TNRC18: variants seen among roughly 807,000 people sequenced by gnomAD.
The protein encoded by TNRC18 is trinucleotide repeat-containing gene 18 protein.
In TNRC18, 69 loss-of-function variants were observed where a neutral mutation model predicts 226.7. That is an observed-to-expected ratio of 0.30 (90% confidence interval 0.25 to 0.37). The LOEUF (loss-of-function observed/expected upper bound fraction) is 0.37, where lower values mean the gene tolerates loss of function less well. Among genes scored for constraint, TNRC18 ranks in the 10% least tolerant of loss-of-function variants. The pLI, the probability that TNRC18 is intolerant of heterozygous loss-of-function variation, is 1.00. For missense variants in TNRC18, 4,754 were observed against 4,256.6 expected, an observed-to-expected ratio of 1.12 and a Z score of -3.25; for synonymous variants, 2,449 against 1,927.6, an observed-to-expected ratio of 1.27 and a Z score of -7.09.
chr7:5,352,161 G>A lies in TNRC18; in HGVS notation c.5195-67C>T, dbSNP rs1449894375. The A allele has an allele frequency of 5.5e-6, 8 of 1,464,994 alleles. No homozygotes were observed. In the East Asian group the frequency reaches 1.2e-4, roughly 22 times the overall value. The allele number at this position is 1,464,994 out of a possible 1,614,324, so 90.7% of individuals were successfully genotyped here. ...AGCAGGAGCTGGTGTCATTTTATTG[G>A]TTTTAATGGTTCTGAGAACGTACTG... On this transcript the variant is annotated intron_variant, in intron 16 of 29. Coordinates refer to ENST00000430969, the MANE Select transcript of TNRC18 (RefSeq NM_001080495.3).
intron 18 of TNRC18, among the ~76,000 whole-genome samples, chr7:5,343,451 C>T (rs1350375177): frequency 6.6e-6 from 1 of 152,184 alleles, no homozygotes; most frequent in Non-Finnish European, 1.5e-5. Flanking sequence ...GAGACAGGGT[C>T]TCATTCTCTT....
intron 2 of TNRC18, among the ~76,000 whole-genome samples, chr7:5,401,292 C>A (rs1781072341): frequency 6.6e-6 from 1 of 152,004 alleles, no homozygotes; most frequent in African/African-American, 2.4e-5. Context: ...CAGCAAAGAA[C>A]CAGAAGGCTT....
At chr7:5,341,647 CCAGCTACTCGG>C (rs1188617856) in intron 18 of TNRC18, among the ~76,000 whole-genome samples, 1 of 148,924 alleles carries the variant, frequency 6.7e-6, no homozygotes, top group African/African-American at 2.5e-5. Flanking sequence ...GCCTGTAATC[CCAGCTACTCGG>C]GAGGCTGAGG....
chr7:5,378,034 G>A lies in TNRC18; in HGVS notation c.2153-10C>T, dbSNP rs1368288031. On this transcript the variant is annotated splice_polypyrimidine_tract_variant and intron_variant, in intron 5 of 29. Coordinates refer to ENST00000430969, the MANE Select transcript of TNRC18 (RefSeq NM_001080495.3). Reference sequence around the variant, plus strand: ...TCTGCTCGGCCGTGCCCTGCAGGGGGCCAGGTGGAAGTGAGCCCCCAGCCA... The same window carrying A: ...TCTGCTCGGCCGTGCCCTGCAGGGGACCAGGTGGAAGTGAGCCCCCAGCCA... 2.5e-6 allele frequency: 4 copies of A among 1,605,006 alleles called. No homozygotes were observed. Among genetic ancestry groups the A allele is most frequent in the Non-Finnish European group, 3.4e-6 (4 of 1,177,608 alleles).
intron 27 of TNRC18, among the ~76,000 whole-genome samples, chr7:5,311,464 C>T (rs1379481722): frequency 6.6e-6 from 1 of 152,220 alleles, no homozygotes; most frequent in South Asian, 2.1e-4. Context: ...GAGGTACCTT[C>T]TGCTGGGACT....
At chr7:5,341,243 C>G (rs1790651883) in intron 18 of TNRC18, among the ~76,000 whole-genome samples, 1 of 143,074 alleles carries the variant, frequency 7.0e-6, no homozygotes. Flanking sequence ...AACCCTGTCT[C>G]TACTAAAAAA....
Position 5,389,210 on chromosome 7 carries a change from G to A in TNRC18, c.614C>T (p.Pro205Leu). 1 of 1,345,906 alleles carries A rather than the reference G, an allele frequency of 7.4e-7. No individual in the cohort carries two copies. 83.4% of individuals were successfully genotyped at this position (1,345,906 alleles called of 1,614,324 possible). The change falls in exon 5 of 30, where the codon CCA becomes CTA. Residue 205 changes from proline to leucine, a missense_variant. Coordinates refer to ENST00000430969, the MANE Select transcript of TNRC18 (RefSeq NM_001080495.3). ...PAKGSSSRDG[P>L]AKERAGRGGE... is the part of the protein sequence containing the mutation. ...GCCGCGGCCCGCCCGCTCCTTGGCT[G>A]GACCGTCCCGCGACGACGAGCCTTT...
intron 2 of TNRC18, among the ~76,000 whole-genome samples, chr7:5,411,608 A>G (rs908141097): frequency 6.6e-6 from 1 of 152,112 alleles, no homozygotes; most frequent in Non-Finnish European, 1.5e-5. Flanking sequence ...TTCCAGGCAT[A>G]CTAGGACCCA....
At chr7:5,325,956 A>G (rs1298605395) in intron 19 of TNRC18, among the ~76,000 whole-genome samples, 1 of 147,180 alleles carries the variant, frequency 6.8e-6, no homozygotes, top group Admixed American at 6.8e-5. Flanking sequence ...CTGGTCTCAA[A>G]CTCCTGGTCT....
chr7:5,320,562 G>T lies in TNRC18; in HGVS notation c.6606C>A (p.Ile2202=), dbSNP rs1788248168. 6.2e-7 allele frequency: 1 copy of T among 1,611,618 alleles called. No homozygotes were observed. The highest frequency in any genetic ancestry group is 8.5e-7 in the Non-Finnish European group (1 of 1,179,670). Reference sequence around the variant, plus strand: ...CCTGCAGCAACTGCTCCAGACAGTAGATGTGGGGCCGGTTGCCCCGCTCAC... The same window carrying T: ...CCTGCAGCAACTGCTCCAGACAGTATATGTGGGGCCGGTTGCCCCGCTCAC... ...VEGERGNRPH[I]YCLEQLLQEA... is the part of the protein sequence containing the mutation. Residue 2202 remains isoleucine, a synonymous_variant, in exon 23 of 30, where the codon ATC becomes ATA. Transcript: ENST00000430969.
chr7:5,386,981 G>T (rs1779837396), intron 5 of TNRC18, among the ~76,000 whole-genome samples: 2 of 152,170 alleles, frequency 1.3e-5, no homozygotes, highest in African/African-American at 2.4e-5. Flanking sequence ...GGCTGAGCCA[G>T]GAGAATCACT....
Position 5,370,580 on chromosome 7 carries a change from T to C in TNRC18, c.4014A>G (p.Pro1338=). Residue 1338 remains proline, a synonymous_variant, in exon 11 of 30, where the codon CCA becomes CCG. Coordinates refer to ENST00000430969, the MANE Select transcript of TNRC18 (RefSeq NM_001080495.3). ...SDQFLPSLED[P]LAGMNALAAA... is the part of the protein sequence containing the mutation. ...CCGCCAGGGCGTTCATGCCAGCCAGTGGGTCCTCCAGACTGGGCAGGAACT... is the reference window on the plus strand; with the variant it reads ...CCGCCAGGGCGTTCATGCCAGCCAGCGGGTCCTCCAGACTGGGCAGGAACT... The C allele has an allele frequency of 6.2e-7, 1 of 1,613,128 alleles. No homozygotes were observed. The highest frequency in any genetic ancestry group is 1.1e-5 in the South Asian group (1 of 90,912).
At position 5,312,761 on chromosome 7, in the gene TNRC18, C is replaced by T. The variant is rs1201578603; in HGVS notation, c.8130G>A (p.Ala2710=). 5.2e-6 allele frequency: 8 copies of T among 1,534,214 alleles called. No homozygotes were observed. Among genetic ancestry groups the T allele is most frequent in the East Asian group, 2.3e-5 (1 of 44,184 alleles). ...TGCCTGGGGAGTGGGCCGAGGGCCG[C>T]GCCTTGCCGGCCTGCTTGGTGGCCT... ...PTKATKQAGK[A]RPSAHSPGKK... is the part of the protein sequence containing the mutation. The change falls in exon 27 of 30, where the codon GCG becomes GCA. Residue 2710 remains alanine (A), a synonymous_variant. Coordinates refer to ENST00000430969, the MANE Select transcript of TNRC18 (RefSeq NM_001080495.3). This position sits in a 1 kb window ranked among gnomAD's most constrained non-coding sequence, Gnocchi z 6.3.
Position 5,371,154 on chromosome 7 carries a change from C to T in TNRC18, c.3440G>A (p.Gly1147Asp), listed in dbSNP as rs755789734. Reference sequence around the variant, plus strand: ...CTCAGCCAGCGGTTCTTCCTCCGGGCCCTCCCGCAGCGGCTCTGTGATCTT... The same window carrying T: ...CTCAGCCAGCGGTTCTTCCTCCGGGTCCTCCCGCAGCGGCTCTGTGATCTT... ...PSKITEPLRE[G>D]PEEEPLAERE... is the part of the protein sequence containing the mutation. Residue 1147 changes from glycine to aspartate, a missense_variant, in exon 11 of 30, where the codon GGC becomes GAC. Physicochemically the swap from Gly to Asp is moderately conservative, Grantham distance 94 (BLOSUM62 -1). Coordinates refer to ENST00000430969, the MANE Select transcript of TNRC18 (RefSeq NM_001080495.3). 6.2e-7 allele frequency: 1 copy of T among 1,609,240 alleles called. No homozygotes were observed. The highest frequency in any genetic ancestry group is 1.1e-5 in the South Asian group (1 of 90,834).
intron 2 of TNRC18, among the ~76,000 whole-genome samples, chr7:5,417,116 C>T (rs1031383287): frequency 1.3e-5 from 2 of 150,392 alleles, no homozygotes; most frequent in African/African-American, 4.9e-5. Context: ...AATTGCACCA[C>T]TGCACTCCAG....
At chr7:5,378,049 G>T (rs1395692962) in intron 5 of TNRC18, 25 bp from the exon 6 acceptor site, 2 of 1,594,206 alleles carry the variant, frequency 1.3e-6, no homozygotes, top group Admixed American at 1.7e-5. Context: ...GTGGAAGTGA[G>T]CCCCCAGCCA....
intron 2 of TNRC18, among the ~76,000 whole-genome samples, chr7:5,411,657 C>T (rs928685946): frequency 2.6e-5 from 4 of 152,078 alleles, no homozygotes; most frequent in African/African-American, 9.7e-5. Context: ...CAGAAAGCCA[C>T]CGCAGGATGT....
rs1794385995 is a variant in TNRC18 at position 5,373,904 on chromosome 7, G to A, written c.3229+151C>T. 1.8e-5 allele frequency: 10 copies of A among 564,942 alleles called. No individual in the cohort carries two copies. The South Asian group carries it at 3.0e-4, about 17-fold the overall frequency. 35.0% of individuals were successfully genotyped at this position (564,942 alleles called of 1,614,324 possible). ...GATTTGACTGTGAGCTCCTGTGTTT[G>A]TCTCAGTGTCTGGCGGCAGGCCTGG... On this transcript the variant is annotated intron_variant, in intron 10 of 29. Coordinates refer to ENST00000430969, the MANE Select transcript of TNRC18 (RefSeq NM_001080495.3).
At chr7:5,339,758 T>G (rs908572814) in intron 18 of TNRC18, among the ~76,000 whole-genome samples, 1 of 151,370 alleles carries the variant, frequency 6.6e-6, no homozygotes, top group African/African-American at 2.4e-5. Flanking sequence ...TTAGTAGAGA[T>G]GGGGTTTCAT....
Sources: allele counts gnomAD v4.1 joint callset (sites outside exome capture counted in the v4.1 genomes callset), GRCh38; gene constraint gnomAD v4.1.1; non-coding constraint Gnocchi (gnomAD v3.1); transcripts MANE v1.5; gene names NCBI Gene and HGNC (gene_info 2026-07-23, HGNC 2026-07-21).